Variants in SLF1 observed in about 807,000 individuals in gnomAD.
SLF1 encodes SMC5/6 complex localization factor 1, also known as SMC5-SMC6 complex localization factor protein 1.
In SLF1, 105 loss-of-function variants were observed where a neutral mutation model predicts 123.0. That is an observed-to-expected ratio of 0.85 (90% CI 0.73 to 1.00). The LOEUF is 1.00. Among genes scored for constraint, SLF1 ranks in the 50% least tolerant of loss-of-function variants. SLF1 has a pLI of 0.00. For synonymous variants in SLF1, 434 were observed against 406.6 expected, an observed-to-expected ratio of 1.07 and a Z score of -0.81; for missense variants, 1,239 against 1,223.0, an observed-to-expected ratio of 1.01 and a Z score of -0.20.
intron 20 of SLF1, among the ~76,000 whole-genome samples, chr5:94,693,689 T>C (rs1257729677): frequency 6.6e-6 from 1 of 151,954 alleles, no homozygotes; most frequent in Non-Finnish European, 1.5e-5. Context: ...AGCAATAATT[T>C]CAAGAATTTA....
At chr5:94,645,600 G>A (rs899272619) in intron 5 of SLF1, among the ~76,000 whole-genome samples, 1 of 152,168 alleles carries the variant, frequency 6.6e-6, no homozygotes, top group Admixed American at 6.5e-5. Flanking sequence ...AATGCTTAAA[G>A]TGCAACATAT....
chr5:94,654,252 A>C (rs1748105372), intron 8 of SLF1, among the ~76,000 whole-genome samples: 1 of 152,144 alleles, frequency 6.6e-6, no homozygotes, highest in Non-Finnish European at 1.5e-5. Flanking sequence ...GAAAATGATA[A>C]AGGTAAATAA....
chr5:94,620,225 T>A (rs994625864), intron 1 of SLF1: 1 of 152,232 alleles, frequency 6.6e-6, no homozygotes, highest in African/African-American at 2.4e-5. Flanking sequence ...AATACTTGAA[T>A]GTTTAAGTCA....
chr5:94,654,595 C>T (rs1185576957), intron 8 of SLF1, 35 bp from the exon 9 acceptor site: 5 of 1,487,130 alleles, frequency 3.4e-6, no homozygotes, highest in Non-Finnish European at 3.6e-6. Flanking sequence ...GTCTTTAGTA[C>T]ATTTTCTAAA....
At chr5:94,649,798 T>G (rs2152477948) in intron 6 of SLF1, among the ~76,000 whole-genome samples, 1 of 152,292 alleles carries the variant, frequency 6.6e-6, no homozygotes, top group Non-Finnish European at 1.5e-5. Context: ...TGTATGCATA[T>G]AGAAATACAC....
At chr5:94,657,394 G>A (rs1238151926) in intron 9 of SLF1, among the ~76,000 whole-genome samples, 1 of 151,880 alleles carries the variant, frequency 6.6e-6, no homozygotes, top group Non-Finnish European at 1.5e-5. Flanking sequence ...TTCCATTGTT[G>A]TCTGAGAAAG....
intron 10 of SLF1, among the ~76,000 whole-genome samples, chr5:94,663,002 A>G (rs546558554): frequency 6.6e-6 from 1 of 152,316 alleles, no homozygotes; most frequent in Non-Finnish European, 1.5e-5. Context: ...TGATTCTCCC[A>G]ATCAGTTTTC....
At chr5:94,671,472 T>C (rs941295243) in intron 14 of SLF1, among the ~76,000 whole-genome samples, 2 of 151,780 alleles carry the variant, frequency 1.3e-5, no homozygotes, top group African/African-American at 4.8e-5. Flanking sequence ...ATTTAACATA[T>C]AGTGATTTTA....
rs184885843 is a variant in SLF1, at chr5:94,645,603, C to T, written c.594+2168C>T. On this transcript the variant is annotated intron_variant, in intron 5 of 20. Transcript: ENST00000265140. The stretch of plus-strand genomic sequence containing the variant: ...TACTTGGAAAATAATGCTTAAAGTG[C>T]AACATATACCATGCATTATCTACAA... Among the ~76,000 whole-genome samples the T allele has an allele frequency of 3.3e-5, 5 of 152,236 alleles. No homozygotes were observed. The East Asian group carries it at 9.6e-4, about 29-fold the overall frequency.
At chr5:94,640,677 A>C (rs1475002842) in intron 4 of SLF1, among the ~76,000 whole-genome samples, 2 of 152,164 alleles carry the variant, frequency 1.3e-5, no homozygotes, top group African/African-American at 4.8e-5. Context: ...TTTTTAAAAA[A>C]AAATTTTTAG....
At chr5:94,681,648 T>G in intron 15 of SLF1, among the ~76,000 whole-genome samples, 1 of 49,404 alleles carries the variant, frequency 2.0e-5, no homozygotes, top group Non-Finnish European at 4.2e-5. Flanking sequence ...CCCTCCCCCC[T>G]CCCCCCAACC....
chr5:94,672,315 A>T (rs77077284), intron 14 of SLF1, among the ~76,000 whole-genome samples: 1 of 152,102 alleles, frequency 6.6e-6, no homozygotes, highest in African/African-American at 2.4e-5. Context: ...AAAAATGCTT[A>T]TGTAGTTTCT....
chr5:94,674,812 G>A (rs752988881), intron 14 of SLF1, among the ~76,000 whole-genome samples: 1 of 152,164 alleles, frequency 6.6e-6, no homozygotes, highest in Non-Finnish European at 1.5e-5. Flanking sequence ...CAAGGTTATG[G>A]AGGAGGTACA....
intron 14 of SLF1, among the ~76,000 whole-genome samples, chr5:94,671,440 T>C (rs1453417318): frequency 1.3e-5 from 2 of 151,686 alleles, no homozygotes; most frequent in African/African-American, 4.8e-5. Context: ...TGTTTATAAG[T>C]TGATTTTGCC....
intron 4 of SLF1, among the ~76,000 whole-genome samples, chr5:94,634,179 C>T (rs2152468820): frequency 6.6e-6 from 1 of 152,210 alleles, no homozygotes; most frequent in Middle Eastern, 3.4e-3. Flanking sequence ...TCAGCTTTTG[C>T]TTTATTTATA....
At chr5:94,618,870 G>C (rs1399816347) in intron 1 of SLF1, 105 bp downstream of exon 1, 2 of 154,898 alleles carry the variant, frequency 1.3e-5, no homozygotes, top group Non-Finnish European at 2.9e-5. Flanking sequence ...GTGAGGCTAG[G>C]AAGGAAGCGG....
rs528850006 is a variant in SLF1 at position 94,631,973 on chromosome 5, T to C, written c.431+1230T>C. On this transcript the variant is annotated intron_variant, in intron 4 of 20. Transcript: ENST00000265140. ...TCTACAAAATTTTTTTTTCTTTCTT[T>C]TTTTTTTTTTTTTTTCCAAATTAAA... is the stretch of plus-strand genomic sequence containing the variant. 3.7e-4 allele frequency among the ~76,000 whole-genome samples: 46 copies of C among 124,920 alleles called. 1 individual carries two copies. Among genetic ancestry groups the C allele is most frequent in the African/African-American group, 1.3e-3 (44 of 34,102 alleles). The allele number at this position is 124,920 out of a possible 152,430, so 82.0% of individuals were successfully genotyped here.
rs374358341 is a variant in SLF1 at position 94,695,974 on chromosome 5, C to T, written c.*662C>T. 3 of 151,748 alleles carry T rather than the reference C, an allele frequency of 2.0e-5. No individual in the cohort carries two copies. Among genetic ancestry groups the T allele is most frequent in the Admixed American group, 6.6e-5 (1 of 15,200 alleles). 9.4% of individuals were successfully genotyped at this position (151,748 alleles called of 1,614,324 possible). A position where few individuals can be genotyped will look rare whatever the true frequency, so the allele number is the denominator to read the frequency against. ...CAATTCATATACAAAATGTATCTGT[C>T]GCTGCCCTATGTAACCCAGTATTCT... On this transcript the variant is annotated 3_prime_UTR_variant, in exon 21 of 21. Transcript: ENST00000265140.
At chr5:94,628,248 C>G (rs1221488183) in intron 1 of SLF1, among the ~76,000 whole-genome samples, 2 of 152,164 alleles carry the variant, frequency 1.3e-5, no homozygotes, top group African/African-American at 4.8e-5. Context: ...AGGGTTCAAG[C>G]AATTCTCCTG....
Sources: gnomAD v4.1 joint callset for allele counts (sites outside exome capture counted in the v4.1 genomes callset) on GRCh38, gnomAD v4.1.1 for gene constraint, MANE v1.5 for transcripts, NCBI Gene and HGNC (gene_info 2026-07-23, HGNC 2026-07-21) for gene names.